SYT2: variants seen among roughly 807,000 people sequenced by gnomAD.
SYT2 encodes synaptotagmin 2.
In SYT2, 15 loss-of-function variants were observed where a neutral mutation model predicts 39.9. The observed-to-expected ratio is 0.38, with a 90% CI of 0.25 to 0.58. The LOEUF is 0.58. SYT2 is among the 20% of genes least tolerant of loss of function. SYT2 has a pLI of 0.70. For synonymous variants in SYT2, 181 were observed against 204.5 expected (o/e 0.89, Z 0.98); for missense variants, 389 against 530.3 (o/e 0.73, Z 2.62).
chr1:202,610,858 T>C (rs1479374214), intron 1 of SYT2, among the ~76,000 whole-genome samples: 2 of 151,922 alleles, frequency 1.3e-5, no homozygotes, highest in Non-Finnish European at 2.9e-5. Context: ...TCCATGCTCA[T>C]GGGTAGGAAG....
intron 1 of SYT2, among the ~76,000 whole-genome samples, chr1:202,607,303 C>T (rs899385842): frequency 3.9e-5 from 6 of 152,176 alleles, no homozygotes; most frequent in African/African-American, 1.4e-4. Flanking sequence ...AGCATACACC[C>T]ACAGGTATTC....
intron 1 of SYT2, among the ~76,000 whole-genome samples, chr1:202,650,993 G>T (rs570628871): frequency 1.3e-5 from 2 of 152,220 alleles, no homozygotes; most frequent in Non-Finnish European, 2.9e-5. Context: ...GGGGCCGGGA[G>T]TGGGGTGGGA....
rs1302027233 is a variant in SYT2, at chr1:202,598,470, A to C, written c.1053+748T>G. ...AATAACATCATACACATCTCCATAG[A>C]TGACAGAACCAACTCTGAAGATTCT... On this transcript the variant is annotated intron_variant, in intron 8 of 8. Coordinates refer to ENST00000367268, the MANE Select transcript of SYT2 (RefSeq NM_177402.5). Among the ~76,000 whole-genome samples, 3 of 152,166 alleles carry C rather than the reference A, an allele frequency of 2.0e-5. No individual in the cohort carries two copies. The East Asian group carries it at 5.8e-4, about 29-fold the overall frequency.
At chr1:202,677,188 G>A (rs1206109004) in intron 1 of SYT2, among the ~76,000 whole-genome samples, 1 of 152,170 alleles carries the variant, frequency 6.6e-6, no homozygotes, top group Non-Finnish European at 1.5e-5. Flanking sequence ...TTACAGCAGT[G>A]TGAGAACAGA....
intron 1 of SYT2, among the ~76,000 whole-genome samples, chr1:202,691,930 C>T (rs185102619): frequency 6.6e-6 from 1 of 152,058 alleles, no homozygotes; most frequent in African/African-American, 2.4e-5. Flanking sequence ...TACAGGCATA[C>T]AAGGACACAG....
intron 1 of SYT2, among the ~76,000 whole-genome samples, chr1:202,654,160 G>T (rs975956557): frequency 6.6e-6 from 1 of 152,200 alleles, no homozygotes; most frequent in Non-Finnish European, 1.5e-5. Flanking sequence ...GGTGACATTG[G>T]TGCAAATAAT....
rs781111468 is a variant in SYT2 at position 202,599,344 on chromosome 1, G to A, written c.927C>T (p.Tyr309=). Residue 309 remains tyrosine, a synonymous_variant, in exon 8 of 9, where the codon TAC becomes TAT. Transcript: ENST00000367268. This position sits in a 1 kb window ranked among gnomAD's most constrained non-coding sequence, Gnocchi z 4.4. ...CATTCTGCATCAGGTGGATCTTCACGTACGGGTCTGCGGAGGGAGAATCCC... is the reference window on the plus strand; with the variant it reads ...CATTCTGCATCAGGTGGATCTTCACATACGGGTCTGCGGAGGGAGAATCCC... ...KMDVGGLSDP[Y]VKIHLMQNGK... 2.7e-5 allele frequency: 43 copies of A among 1,598,690 alleles called. No individual in the cohort carries two copies. Among genetic ancestry groups the A allele is most frequent in the Non-Finnish European group, 3.5e-5 (41 of 1,175,000 alleles).
chr1:202,678,767 T>C (rs1438952158), intron 1 of SYT2, among the ~76,000 whole-genome samples: 1 of 152,098 alleles, frequency 6.6e-6, no homozygotes, highest in African/African-American at 2.4e-5. Flanking sequence ...TAAGCTCAAG[T>C]TTGTACCATT....
At chr1:202,679,245 C>A (rs1050926129) in intron 1 of SYT2, among the ~76,000 whole-genome samples, 2 of 152,170 alleles carry the variant, frequency 1.3e-5, no homozygotes, top group Non-Finnish European at 2.9e-5. Context: ...TCCCTTCCTA[C>A]AGCTGCCTTG....
Position 202,594,964 on chromosome 1 carries a change from C to G in SYT2, c.*1793G>C, listed in dbSNP as rs1690235303. 1 of 152,272 alleles carries G rather than the reference C, an allele frequency of 6.6e-6. No homozygotes were observed. Among genetic ancestry groups the G allele is most frequent in the Non-Finnish European group, 1.5e-5 (1 of 68,080 alleles). The allele number at this position is 152,272 out of a possible 1,614,324, so 9.4% of individuals were successfully genotyped here. A position where few individuals can be genotyped will look rare whatever the true frequency, so the allele number is the denominator to read the frequency against. ...CCTGATTCCCTCCAACACTGTCCAT[C>G]TGTCTTGGGTGTCTACAGGAAGCTG... is the stretch of plus-strand genomic sequence containing the variant. On this transcript the variant is annotated 3_prime_UTR_variant, in exon 9 of 9. Transcript: ENST00000367268.
chr1:202,645,797 G>A lies in SYT2; in HGVS notation c.-17-40008C>T, dbSNP rs537827058. 5.3e-5 allele frequency among the ~76,000 whole-genome samples: 8 copies of A among 152,234 alleles called. 1 individual carries two copies. The East Asian group carries it at 5.8e-4, about 11-fold the overall frequency. Reference sequence around the variant, plus strand: ...AGCAGGTGACATTTGCACAGGCAGCGGCTGGGCCAAAATGGGGGAGGATGG... The same window carrying A: ...AGCAGGTGACATTTGCACAGGCAGCAGCTGGGCCAAAATGGGGGAGGATGG... On this transcript the variant is annotated intron_variant, in intron 1 of 8. Coordinates refer to ENST00000367268, the MANE Select transcript of SYT2 (RefSeq NM_177402.5).
intron 1 of SYT2, among the ~76,000 whole-genome samples, chr1:202,700,426 C>A (rs2149121281): frequency 6.6e-6 from 1 of 152,294 alleles, no homozygotes. Flanking sequence ...GTTCTCAAAC[C>A]TTTTGGTTCT....
intron 3 of SYT2, 192 bp downstream of exon 3, chr1:202,604,263 G>A: frequency 6.4e-6 from 4 of 621,876 alleles, no homozygotes; most frequent in South Asian, 2.1e-5. Flanking sequence ...TGCTAACACA[G>A]GAATAAGGCC....
intron 1 of SYT2, among the ~76,000 whole-genome samples, chr1:202,649,507 A>G (rs1014024462): frequency 6.6e-5 from 10 of 152,168 alleles, no homozygotes; most frequent in Non-Finnish European, 1.2e-4. Context: ...GATTATTCTT[A>G]TTTCTATTTT....
At chr1:202,636,288 C>G (rs537298185) in intron 1 of SYT2, 1 of 839,884 alleles carries the variant, frequency 1.2e-6, no homozygotes, top group East Asian at 1.2e-4. Flanking sequence ...TCCAAGTGGC[C>G]TCACTGGGAG....
At chr1:202,606,252 C>T (rs1690704941) in intron 1 of SYT2, among the ~76,000 whole-genome samples, 1 of 152,202 alleles carries the variant, frequency 6.6e-6, no homozygotes. Context: ...ATAGTTTTTC[C>T]AAGGTCACTT....
intron 1 of SYT2, among the ~76,000 whole-genome samples, chr1:202,679,124 C>G (rs371472011): frequency 3.3e-5 from 5 of 152,292 alleles, no homozygotes; most frequent in African/African-American, 7.2e-5. Flanking sequence ...CTGCTCCTTC[C>G]CTCCGCTCAG....
At chr1:202,643,753 G>A (rs776957920) in intron 1 of SYT2, among the ~76,000 whole-genome samples, 30 of 152,248 alleles carry the variant, frequency 2.0e-4, no homozygotes, top group Admixed American at 5.2e-4. Context: ...TTAAACTGGC[G>A]CGGTCCTACA....
chr1:202,629,870 G>GGC (rs1553338274), intron 1 of SYT2, among the ~76,000 whole-genome samples: 4 of 123,496 alleles, frequency 3.2e-5, no homozygotes, highest in Admixed American at 2.4e-4. Context: ...CAGCTGGTGG[G>GGC]GGGGGGGGGG....
Sources: allele counts gnomAD v4.1 joint callset (sites outside exome capture counted in the v4.1 genomes callset), GRCh38; gene constraint gnomAD v4.1.1; non-coding constraint Gnocchi (gnomAD v3.1); transcripts MANE v1.5; gene names NCBI Gene and HGNC (gene_info 2026-07-23, HGNC 2026-07-21).